Variants in CACNA1C observed in about 807,000 individuals in gnomAD.
CACNA1C encodes calcium voltage-gated channel subunit alpha1 C, also known as voltage-dependent L-type calcium channel subunit alpha-1C.
In CACNA1C, 30 loss-of-function variants were observed where a neutral mutation model predicts 229.0. The observed-to-expected ratio is 0.13, with a 90% confidence interval of 0.10 to 0.18. CACNA1C has a LOEUF of 0.18. Ranked by LOEUF, CACNA1C falls within the 10% of genes least tolerant of loss-of-function variation. CACNA1C has a pLI of 1.00. For missense variants in CACNA1C, 1,658 were observed against 2,845.0 expected, an observed-to-expected ratio of 0.58 and a Z score of 9.49; for synonymous variants, 1,114 against 1,132.5, an observed-to-expected ratio of 0.98 and a Z score of 0.33.
rs898094363 is a variant in CACNA1C at position 2,646,793 on chromosome 12, T to A, written c.3913-1682T>A. Among the ~76,000 whole-genome samples the A allele has an allele frequency of 1.3e-5, 2 of 150,308 alleles. No homozygotes were observed. Among genetic ancestry groups the A allele is most frequent in the Non-Finnish European group, 2.9e-5 (2 of 67,846 alleles). ...AAGAGAGAGAGAGAGAGAGAGAGTG[T>A]GTGTGTGCGCGTGTGTGTGTCTGCC... On this transcript the variant is annotated intron_variant, in intron 30 of 46. Transcript: ENST00000399655. The surrounding 1 kb of genome is among the most constrained non-coding windows in gnomAD (Gnocchi z 4.6).
intron 3 of CACNA1C, among the ~76,000 whole-genome samples, chr12:2,256,220 C>G (rs1289908481): frequency 1.3e-5 from 2 of 152,150 alleles, no homozygotes; most frequent in Non-Finnish European, 2.9e-5. Context: ...CAGGAATCTA[C>G]ATTTTTAACA....
intron 3 of CACNA1C, among the ~76,000 whole-genome samples, chr12:2,210,495 T>G (rs895615074): frequency 1.7e-4 from 26 of 152,292 alleles, no homozygotes; most frequent in African/African-American, 5.5e-4. Context: ...GGGATTGATG[T>G]TGGTACCTCC....
chr12:1,990,364 T>C (rs2039044841), intron 1 of CACNA1C, among the ~76,000 whole-genome samples: 1 of 152,242 alleles, frequency 6.6e-6, no homozygotes, highest in Admixed American at 6.5e-5. Context: ...ATTTTAACAA[T>C]GTTTAAACCC....
Position 2,575,885 on chromosome 12 carries a change from A to G in CACNA1C, c.1896-5705A>G, listed in dbSNP as rs1208169864. On this transcript the variant is annotated intron_variant, in intron 13 of 46. Transcript: ENST00000399655. The surrounding 1 kb of genome is among the most constrained non-coding windows in gnomAD (Gnocchi z 4.0). ...GTTCATGAGATGAAAGTTCCAGTTC[A>G]AGGAAGGCTCGGGTCACTTTATATT... is the stretch of plus-strand genomic sequence containing the variant. 6.6e-6 allele frequency among the ~76,000 whole-genome samples: 1 copy of G among 152,246 alleles called. No individual in the cohort carries two copies. The highest frequency in any genetic ancestry group is 1.5e-5 in the Non-Finnish European group (1 of 68,038).
chr12:2,180,406 C>T (rs185504104), intron 3 of CACNA1C, among the ~76,000 whole-genome samples: 13 of 152,338 alleles, frequency 8.5e-5, no homozygotes, highest in South Asian at 6.2e-4. Flanking sequence ...ATGGAGCCCT[C>T]CTGCTTTGGA....
At position 2,669,771 on chromosome 12, in the gene CACNA1C, G is replaced by A. The variant is rs576584303; in HGVS notation, c.4726+736G>A. Among the ~76,000 whole-genome samples the A allele has an allele frequency of 9.8e-5, 15 of 152,312 alleles. No homozygotes were observed. The East Asian group carries it at 2.9e-3, about 29-fold the overall frequency. Reference sequence around the variant, plus strand: ...CTTAAGGCTCTTAGCCAGCGGACAGGTGAGGATTCAGACCTCACCTGTGCC... The same window carrying A: ...CTTAAGGCTCTTAGCCAGCGGACAGATGAGGATTCAGACCTCACCTGTGCC... On this transcript the variant is annotated intron_variant, in intron 38 of 46. Transcript: ENST00000399655.
intron 20 of CACNA1C, chr12:2,596,239 A>G (rs2068108015): frequency 2.3e-6 from 1 of 426,682 alleles, no homozygotes; most frequent in Non-Finnish European, 4.1e-6. Context: ...GGCAAAGATC[A>G]GGACTTTCAT....
At chr12:2,368,728 C>T (rs1489646741) in intron 3 of CACNA1C, among the ~76,000 whole-genome samples, 1 of 152,220 alleles carries the variant, frequency 6.6e-6, no homozygotes, top group Non-Finnish European at 1.5e-5. Context: ...CCCTAATCAA[C>T]AGCCCAGGGT....
At chr12:1,982,611 T>C (rs1329541674) in intron 1 of CACNA1C, among the ~76,000 whole-genome samples, 1 of 152,202 alleles carries the variant, frequency 6.6e-6, no homozygotes, top group Admixed American at 6.5e-5. Flanking sequence ...TGTTTATCCA[T>C]TCATTCACTG....
At chr12:2,274,529 G>A (rs543745500) in intron 3 of CACNA1C, among the ~76,000 whole-genome samples, 2 of 152,280 alleles carry the variant, frequency 1.3e-5, no homozygotes, top group South Asian at 4.1e-4. Flanking sequence ...GAACAGTGAC[G>A]GTGAGCACAG....
rs949704692 is a variant in CACNA1C at position 2,566,169 on chromosome 12, T to C, written c.1509-253T>C. ...GCCAGATGCATTATAAGGTATTTGA[T>C]CCATCCCCACAATAACCCCATGAGG... On this transcript the variant is annotated intron_variant, in intron 11 of 46. Coordinates refer to ENST00000399655, the MANE Select transcript of CACNA1C (RefSeq NM_000719.7). The surrounding 1 kb of genome is among the most constrained non-coding windows in gnomAD (Gnocchi z 4.0). Among the ~76,000 whole-genome samples, 1 of 152,228 alleles carries C rather than the reference T, an allele frequency of 6.6e-6. No homozygotes were observed. The highest frequency in any genetic ancestry group is 6.5e-5 in the Admixed American group (1 of 15,286).
rs750835120 is a variant in CACNA1C at position 2,688,752 on chromosome 12, C to T, written c.6090C>T (p.His2030=). ...CTGGGGCCCCAGGGAGGCAGTTCCA[C>T]GGCAGTGCCAGCAGCCTGGTGGAAG... The part of the protein sequence containing the change: ...SQAGAPGRQF[H]GSASSLVEAV... Residue 2030 remains histidine, a synonymous_variant, in exon 46 of 47, where the codon CAC becomes CAT. Transcript: ENST00000399655. 3.3e-5 allele frequency: 52 copies of T among 1,572,968 alleles called. No homozygotes were observed. Among genetic ancestry groups the T allele is most frequent in the South Asian group, 6.9e-5 (6 of 86,530 alleles).
intron 5 of CACNA1C, among the ~76,000 whole-genome samples, chr12:2,480,608 G>A (rs1049049262): frequency 6.6e-6 from 1 of 152,152 alleles, no homozygotes; most frequent in East Asian, 1.9e-4. Context: ...TGAAGGTATT[G>A]GGTTAGGTGA....
intron 3 of CACNA1C, among the ~76,000 whole-genome samples, chr12:2,347,811 A>G (rs1009355305): frequency 4.6e-5 from 7 of 152,214 alleles, no homozygotes; most frequent in African/African-American, 1.7e-4. Flanking sequence ...CAGCTTCTAC[A>G]GGAGGACACA....
chr12:2,381,513 C>A (rs1480868203), intron 3 of CACNA1C, among the ~76,000 whole-genome samples: 1 of 152,220 alleles, frequency 6.6e-6, no homozygotes, highest in East Asian at 1.9e-4. Flanking sequence ...GAAAGTTCCC[C>A]AGATATGGTG....
At chr12:2,174,610 C>T (rs1027846513) in intron 3 of CACNA1C, among the ~76,000 whole-genome samples, 7 of 151,958 alleles carry the variant, frequency 4.6e-5, no homozygotes, top group Non-Finnish European at 7.4e-5. Flanking sequence ...TATAATTTCA[C>T]CTGTAAGTAC....
At chr12:2,481,028 G>T (rs759977136) in intron 5 of CACNA1C, among the ~76,000 whole-genome samples, 6 of 152,124 alleles carry the variant, frequency 3.9e-5, no homozygotes, top group African/African-American at 7.2e-5. Flanking sequence ...AAAGAATAGA[G>T]TCCTTAAGAG....
At chr12:2,001,864 A>T (rs528279413) in intron 1 of CACNA1C, among the ~76,000 whole-genome samples, 1 of 152,344 alleles carries the variant, frequency 6.6e-6, no homozygotes, top group Admixed American at 6.5e-5. Flanking sequence ...TCAGTGTGAC[A>T]ACCAAAAACG....
intron 3 of CACNA1C, among the ~76,000 whole-genome samples, chr12:2,196,828 G>A (rs1440789580): frequency 6.6e-6 from 1 of 152,184 alleles, no homozygotes; most frequent in Non-Finnish European, 1.5e-5. Flanking sequence ...GCCTTCTTAT[G>A]GTCATGGGTG....
Sources: allele counts gnomAD v4.1 joint callset (sites outside exome capture counted in the v4.1 genomes callset), GRCh38; gene constraint gnomAD v4.1.1; non-coding constraint Gnocchi (gnomAD v3.1); transcripts MANE v1.5; gene names NCBI Gene and HGNC (gene_info 2026-07-23, HGNC 2026-07-21).